The following CIB1 variants were observed in gnomAD, a reference collection of about 807,000 sequenced individuals.
CIB1 encodes calcium and integrin binding 1.
In CIB1, 19 loss-of-function variants were observed where a neutral mutation model predicts 25.0. That is an observed-to-expected ratio of 0.76 (90% confidence interval 0.53 to 1.12). The LOEUF (loss-of-function observed/expected upper bound fraction) is 1.12, where lower values mean the gene tolerates loss of function less well. CIB1 is among the 50% of genes most tolerant of loss of function. The pLI is 0.00. For synonymous variants in CIB1, 104 were observed against 98.5 expected, an observed-to-expected ratio of 1.06 and a Z score of -0.33; for missense variants, 236 against 242.6, an observed-to-expected ratio of 0.97 and a Z score of 0.18.
the CIB1 span, chr15:90,262,871 G>A: frequency 7.4e-7 from 1 of 1,354,100 alleles, no homozygotes; most frequent in East Asian, 2.5e-5. Flanking sequence ...GGGAAGGGAT[G>A]AGGGTAGAGT....
chr15:90,256,585 C>CTT, the CIB1 span, among the ~76,000 whole-genome samples: 135 of 34,624 alleles, frequency 3.9e-3, 3 homozygotes, highest in Non-Finnish European at 6.4e-3. Context: ...TTCTTTCTTT[C>CTT]TTTCTTTCTT....
At chr15:90,262,036 A>G in the CIB1 span, 1 of 1,535,426 alleles carries the variant, frequency 6.5e-7, no homozygotes, top group Admixed American at 2.0e-5. Context: ...CCCATGTGGC[A>G]ATGCTGGACC....
the CIB1 span, among the ~76,000 whole-genome samples, chr15:90,239,601 C>T: frequency 5.9e-5 from 9 of 152,114 alleles, no homozygotes; most frequent in South Asian, 8.3e-4. Context: ...TGGAGGTGAC[C>T]GCCCCCATGA....
chr15:90,262,622 A>G, the CIB1 span: 1 of 1,528,128 alleles, frequency 6.5e-7, no homozygotes, highest in South Asian at 1.2e-5. Flanking sequence ...AGGGCTCCAG[A>G]GCCTTTCCAC....
chr15:90,254,829 G>A, the CIB1 span, among the ~76,000 whole-genome samples: 4 of 152,168 alleles, frequency 2.6e-5, no homozygotes, highest in Non-Finnish European at 4.4e-5. Flanking sequence ...CTGGGCGACA[G>A]AGGGAGACCC....
At chr15:90,248,385 CA>C in the CIB1 span, among the ~76,000 whole-genome samples, 1 of 152,052 alleles carries the variant, frequency 6.6e-6, no homozygotes, top group African/African-American at 2.4e-5. Flanking sequence ...AGACAATTAA[CA>C]ACAACAAAAA....
chr15:90,231,254 G>A (rs1962480900), intron 4 of CIB1, 41 bp from the exon 5 acceptor site: 1 of 1,609,034 alleles, frequency 6.2e-7, no homozygotes, highest in Non-Finnish European at 8.5e-7. Flanking sequence ...ACGGTTGGGA[G>A]GGGCTCTGAG....
chr15:90,262,551 G>A, the CIB1 span: 46 of 1,533,254 alleles, frequency 3.0e-5, no homozygotes, highest in African/African-American at 5.5e-4. Flanking sequence ...GGCACTAAGA[G>A]GCAAAAGGCC....
chr15:90,240,791 G>A, the CIB1 span: 280 of 697,462 alleles, frequency 4.0e-4, 2 homozygotes, highest in African/African-American at 4.3e-3. Context: ...TCCAGCCTGG[G>A]TGACAGAGTG....
At chr15:90,240,978 C>T in the CIB1 span, 1 of 1,613,918 alleles carries the variant, frequency 6.2e-7, no homozygotes, top group Non-Finnish European at 8.5e-7. Context: ...CTGGGGCAGG[C>T]AAACCATTCC....
chr15:90,260,627 C>T, the CIB1 span, among the ~76,000 whole-genome samples: 7 of 151,980 alleles, frequency 4.6e-5, no homozygotes, highest in Non-Finnish European at 7.4e-5. Flanking sequence ...CTGAGGTGGG[C>T]GGATCAGGAG....
the CIB1 span, chr15:90,251,445 T>A: frequency 8.5e-7 from 1 of 1,178,984 alleles, no homozygotes; most frequent in Non-Finnish European, 1.3e-6. Context: ...GTCTTTTAAG[T>A]GGCTTCTAGA....
chr15:90,247,039 G>A, the CIB1 span, among the ~76,000 whole-genome samples: 5 of 150,520 alleles, frequency 3.3e-5, no homozygotes, highest in African/African-American at 7.3e-5. Context: ...GCAGTGGCAC[G>A]ATCTTGGCTC....
chr15:90,264,613 C>T, the CIB1 span: 1 of 1,284,802 alleles, frequency 7.8e-7, no homozygotes. Context: ...TGGAGGGAAG[C>T]ATGAGATGCC....
At chr15:90,249,124 T>C in the CIB1 span, among the ~76,000 whole-genome samples, 1 of 149,888 alleles carries the variant, frequency 6.7e-6, no homozygotes, top group African/African-American at 2.5e-5. Flanking sequence ...GGCAGGAGGA[T>C]TGCTTGAGCC....
chr15:90,241,906 G>C, the CIB1 span: 1 of 1,614,132 alleles, frequency 6.2e-7, no homozygotes, highest in Non-Finnish European at 8.5e-7. Flanking sequence ...GTTGCCCTCT[G>C]TGAGCTGGCT....
At chr15:90,240,978 C>A in the CIB1 span, 1 of 1,614,038 alleles carries the variant, frequency 6.2e-7, no homozygotes, top group Non-Finnish European at 8.5e-7. Context: ...CTGGGGCAGG[C>A]AAACCATTCC....
upstream of CIB1, chr15:90,238,676 G>A (rs1252768292): frequency 6.6e-6 from 1 of 152,170 alleles, no homozygotes; most frequent in East Asian, 1.9e-4. Context: ...TGAAAGGTTG[G>A]CCCTGGACAC....
chr15:90,250,910 C>T, the CIB1 span: 2 of 1,609,758 alleles, frequency 1.2e-6, no homozygotes, highest in Admixed American at 1.7e-5. Context: ...TAGATCCCCT[C>T]AACTGCCCAG....
Sources: gnomAD v4.1 joint callset for allele counts (sites outside exome capture counted in the v4.1 genomes callset) on GRCh38, gnomAD v4.1.1 for gene constraint, MANE v1.5 for transcripts, NCBI Gene and HGNC (gene_info 2026-07-23, HGNC 2026-07-21) for gene names.